The following EVL variants were observed in gnomAD, a reference collection of about 807,000 sequenced individuals.
EVL encodes the protein ena/VASP-like protein.
A neutral mutation model predicts 59.6 loss-of-function variants in EVL; 21 were observed. The ratio of observed to expected loss-of-function variants is 0.35; its 90% confidence interval spans 0.25 to 0.51. The LOEUF is 0.51. Ranked by LOEUF, EVL falls within the 20% of genes least tolerant of loss-of-function variation. The pLI is 0.97. For missense variants in EVL, 462 were observed against 546.6 expected, an observed-to-expected ratio of 0.85 and a Z score of 1.54; for synonymous variants, 198 against 203.5, an observed-to-expected ratio of 0.97 and a Z score of 0.23.
intron 1 of EVL, among the ~76,000 whole-genome samples, chr14:100,024,901 C>T (rs2061185416): frequency 6.6e-6 from 1 of 152,030 alleles, no homozygotes; most frequent in Admixed American, 6.5e-5. Flanking sequence ...GTTGTTCAGT[C>T]ATTCTTGACC....
At chr14:100,119,797 C>G (rs1479686749) in intron 3 of EVL, among the ~76,000 whole-genome samples, 2 of 152,134 alleles carry the variant, frequency 1.3e-5, no homozygotes, top group Non-Finnish European at 2.9e-5. Context: ...AGCAGCTTGC[C>G]TAGGGGTGCA....
At chr14:99,991,580 T>G (rs1045714035) in intron 1 of EVL, among the ~76,000 whole-genome samples, 4 of 152,208 alleles carry the variant, frequency 2.6e-5, no homozygotes, top group Non-Finnish European at 4.4e-5. Flanking sequence ...GAAATAACAC[T>G]GCTAAAAACA....
In EVL at chr14:100,083,907, G is replaced by C. The variant is rs367754525; in HGVS notation, c.12-780G>C. 2.0e-5 allele frequency among the ~76,000 whole-genome samples: 3 copies of C among 152,224 alleles called. No individual in the cohort carries two copies. In the East Asian group the frequency reaches 5.8e-4, roughly 29 times the overall value. The stretch of plus-strand genomic sequence containing the variant: ...GTTGGAAATCCCCAGTGTAATCACT[G>C]AATACGTGTATGAACTTGTATACAT... On this transcript the variant is annotated intron_variant, in intron 1 of 13. Coordinates refer to ENST00000392920, the MANE Select transcript of EVL (RefSeq NM_016337.3).
chr14:99,987,514 C>T (rs757203781), intron 1 of EVL, among the ~76,000 whole-genome samples: 7 of 152,110 alleles, frequency 4.6e-5, no homozygotes, highest in African/African-American at 1.2e-4. Context: ...TGGTGGCACA[C>T]GCCTGTAATC....
At chr14:100,140,697 C>T (rs917999698) in intron 11 of EVL, 19 of 153,406 alleles carry the variant, frequency 1.2e-4, no homozygotes, top group Admixed American at 2.6e-4. Context: ...GCACCAGGGG[C>T]GCTGGTGTGT....
intron 1 of EVL, among the ~76,000 whole-genome samples, chr14:100,081,423 G>T (rs2062301224): frequency 6.7e-6 from 1 of 149,176 alleles, no homozygotes; most frequent in Non-Finnish European, 1.5e-5. Flanking sequence ...AATAAAATAA[G>T]AGACAAACCA....
chr14:100,036,123 A>G (rs532943187), intron 1 of EVL, among the ~76,000 whole-genome samples: 39 of 152,302 alleles, frequency 2.6e-4, no homozygotes, highest in Non-Finnish European at 4.0e-4. Flanking sequence ...AGATTGTCAT[A>G]GGACCAGAAA....
At chr14:100,089,948 A>C (rs573050076) in intron 2 of EVL, among the ~76,000 whole-genome samples, 67 of 152,276 alleles carry the variant, frequency 4.4e-4, no homozygotes, top group African/African-American at 1.6e-3. Flanking sequence ...AAAAAGCCCC[A>C]AAAAGTACAT....
In EVL at chr14:100,113,123, A is replaced by G. The variant is rs546603053; in HGVS notation, c.359-10416A>G. On this transcript the variant is annotated intron_variant, in intron 3 of 13. Coordinates refer to ENST00000392920, the MANE Select transcript of EVL (RefSeq NM_016337.3). ...CTGATCTGAGTCTTAAAGGGGATGGACAGACGTTCACCAGTTAGAAGAGTA... is the reference window on the plus strand; with the variant it reads ...CTGATCTGAGTCTTAAAGGGGATGGGCAGACGTTCACCAGTTAGAAGAGTA... 1.9e-4 allele frequency among the ~76,000 whole-genome samples: 29 copies of G among 152,298 alleles called. No homozygotes were observed. The South Asian group carries it at 6.0e-3, about 32-fold the overall frequency.
chr14:100,005,035 T>G (rs1360906087), intron 1 of EVL, among the ~76,000 whole-genome samples: 1 of 152,240 alleles, frequency 6.6e-6, no homozygotes, highest in Admixed American at 6.5e-5. Context: ...CTAGATTACT[T>G]ATGAAAACTA....
chr14:99,977,372 A>G (rs1458055242), intron 1 of EVL: 1 of 152,060 alleles, frequency 6.6e-6, no homozygotes, highest in Non-Finnish European at 1.5e-5. Context: ...TGCTCTAACC[A>G]GTCCTCCTGA....
rs1888183627 is a variant in EVL at position 100,127,944 on chromosome 14, G to A, written c.488-575G>A. Reference sequence around the variant, plus strand: ...CTGGTTTTCCTCAGCACCATACCCAGCACCTAGCACAGTGCCTGGCACAAA... The same window carrying A: ...CTGGTTTTCCTCAGCACCATACCCAACACCTAGCACAGTGCCTGGCACAAA... On this transcript the variant is annotated intron_variant, in intron 5 of 13. Coordinates refer to ENST00000392920, the MANE Select transcript of EVL (RefSeq NM_016337.3). The surrounding 1 kb of genome is among the most constrained non-coding windows in gnomAD (Gnocchi z 4.2). Among the ~76,000 whole-genome samples, 1 of 152,218 alleles carries A rather than the reference G, an allele frequency of 6.6e-6. No individual in the cohort carries two copies. Among genetic ancestry groups the A allele is most frequent in the South Asian group, 2.1e-4 (1 of 4,834 alleles).
intron 3 of EVL, among the ~76,000 whole-genome samples, chr14:100,116,555 G>A (rs1416283501): frequency 6.6e-6 from 1 of 152,174 alleles, no homozygotes; most frequent in East Asian, 1.9e-4. Flanking sequence ...TCTTCAGGAG[G>A]AGGGGTCAGT....
chr14:100,016,957 C>T (rs1393611143), intron 1 of EVL, among the ~76,000 whole-genome samples: 2 of 152,202 alleles, frequency 1.3e-5, no homozygotes, highest in Admixed American at 1.3e-4. Flanking sequence ...TGCAGGGCCA[C>T]AGGCTGCCTG....
chr14:100,052,287 C>A (rs2061659387), intron 1 of EVL, among the ~76,000 whole-genome samples: 1 of 152,198 alleles, frequency 6.6e-6, no homozygotes, highest in Non-Finnish European at 1.5e-5. Flanking sequence ...CAATTATGTT[C>A]TATGTCAGAC....
At chr14:100,017,723 G>T (rs949135745) in intron 1 of EVL, among the ~76,000 whole-genome samples, 4 of 152,184 alleles carry the variant, frequency 2.6e-5, no homozygotes, top group Admixed American at 2.0e-4. Context: ...CCAAGAAGCT[G>T]CCATCACCAG....
In EVL at chr14:100,001,889, C is replaced by T. The variant is rs78279604; in HGVS notation, c.5+29832C>T. On this transcript the variant is annotated intron_variant, in intron 1 of 13. Coordinates refer to the EVL transcript ENST00000402714. ...AAAGCCTTGGTAAAATAACCAGTTT[C>T]GCCTGTTACAAATGAAAACAAACTT... Among the ~76,000 whole-genome samples the T allele has an allele frequency of 0.011, 1,750 of 152,238 alleles. 80 individuals carry two copies. The East Asian group carries it at 0.16, about 14-fold the overall frequency.
intron 1 of EVL, among the ~76,000 whole-genome samples, chr14:100,049,754 A>G (rs1177579729): frequency 3.9e-5 from 6 of 152,128 alleles, no homozygotes; most frequent in Admixed American, 1.3e-4. Flanking sequence ...GAACATTTTT[A>G]TCACCCCAAA....
At chr14:100,110,042 C>A (rs1045411748) in intron 3 of EVL, among the ~76,000 whole-genome samples, 1 of 152,216 alleles carries the variant, frequency 6.6e-6, no homozygotes, top group African/African-American at 2.4e-5. Flanking sequence ...ATTACTATAA[C>A]AGTTTGAAGT....
Sources: gnomAD v4.1 joint callset for allele counts (sites outside exome capture counted in the v4.1 genomes callset) on GRCh38, gnomAD v4.1.1 for gene constraint, Gnocchi (gnomAD v3.1) non-coding constraint, MANE v1.5 for transcripts, NCBI Gene and HGNC (gene_info 2026-07-23, HGNC 2026-07-21) for gene names.